Variants in ANK2 observed in about 807,000 individuals in gnomAD.
The protein encoded by ANK2 is ankyrin 2.
A neutral mutation model predicts 360.5 loss-of-function variants in ANK2; 83 were observed. That is an observed-to-expected ratio of 0.23 (90% CI 0.19 to 0.28). The LOEUF is 0.28. Ranked by LOEUF, ANK2 falls within the 10% of genes least tolerant of loss-of-function variation. ANK2 has a pLI of 1.00. For synonymous variants in ANK2, 1,740 were observed against 1,759.5 expected (o/e 0.99, Z 0.28); for missense variants, 4,201 against 4,795.7 (o/e 0.88, Z 3.66).
chr4:113,107,854 C>T (rs1211088613), intron 1 of ANK2, among the ~76,000 whole-genome samples: 2 of 151,994 alleles, frequency 1.3e-5, no homozygotes, highest in African/African-American at 4.8e-5. Flanking sequence ...AAGTAATGCA[C>T]CCAACATAGA....
intron 2 of ANK2, among the ~76,000 whole-genome samples, chr4:113,183,044 C>T (rs1216169419): frequency 6.6e-6 from 1 of 151,948 alleles, no homozygotes; most frequent in Non-Finnish European, 1.5e-5. Context: ...AGTGGAGGGA[C>T]TGGCTTTTGC....
intron 1 of ANK2, among the ~76,000 whole-genome samples, chr4:112,903,276 C>T (rs1375729595): frequency 6.6e-6 from 1 of 152,132 alleles, no homozygotes; most frequent in Non-Finnish European, 1.5e-5. Context: ...TGATTCTTGC[C>T]ATATTTTCCT....
At chr4:113,033,492 G>A (rs917255027) in intron 2 of ANK2, among the ~76,000 whole-genome samples, 17 of 151,808 alleles carry the variant, frequency 1.1e-4, no homozygotes, top group African/African-American at 2.9e-4. Context: ...AACAAAACTC[G>A]TCACACATCA....
At chr4:113,302,637 G>A (rs1444834115) in intron 22 of ANK2, 130 bp from the exon 23 acceptor site, 9 of 731,408 alleles carry the variant, frequency 1.2e-5, no homozygotes, top group South Asian at 4.5e-5. Context: ...AAATATACAC[G>A]CGGGAAAGAT....
At chr4:112,784,205 C>CT in the ANK2 span, among the ~76,000 whole-genome samples, 40 of 147,806 alleles carry the variant, frequency 2.7e-4, no homozygotes, top group East Asian at 1.2e-3. Context: ...AGTTAATATG[C>CT]TTTTTTTTTT....
intron 9 of ANK2, 62 bp from the exon 10 acceptor site, chr4:113,249,702 A>G: frequency 2.7e-6 from 4 of 1,494,160 alleles, no homozygotes; most frequent in Non-Finnish European, 2.8e-6. Flanking sequence ...TATGGTTGCA[A>G]TAGATGAAAT....
chr4:112,892,191 G>A (rs72669682), intron 1 of ANK2, among the ~76,000 whole-genome samples: 2,813 of 152,254 alleles, frequency 0.018, 45 homozygotes, highest in Non-Finnish European at 0.029. Flanking sequence ...CAGGGGGAAG[G>A]AAGGGATGGA....
the ANK2 span, among the ~76,000 whole-genome samples, chr4:112,787,387 G>C: frequency 6.6e-6 from 1 of 152,110 alleles, no homozygotes; most frequent in Non-Finnish European, 1.5e-5. Context: ...GTTACATCAG[G>C]CTTTTTTGTT....
chr4:113,290,640 A>G (rs1057322522), intron 20 of ANK2, among the ~76,000 whole-genome samples: 2 of 152,194 alleles, frequency 1.3e-5, no homozygotes, highest in East Asian at 3.8e-4. Flanking sequence ...TTAGAAAAAC[A>G]AACAAACAAA....
intron 4 of ANK2, among the ~76,000 whole-genome samples, chr4:113,209,502 C>T (rs2098995770): frequency 6.6e-6 from 1 of 151,894 alleles, no homozygotes; most frequent in Non-Finnish European, 1.5e-5. Flanking sequence ...GTTATCGAAC[C>T]AAACTGGGGC....
intron 24 of ANK2, among the ~76,000 whole-genome samples, chr4:113,315,186 T>A (rs1022777779): frequency 3.9e-4 from 60 of 152,218 alleles, no homozygotes; most frequent in African/African-American, 1.4e-3. Context: ...AGGTATCAAC[T>A]AAATGGATAT....
chr4:113,336,461 T>G (rs1301181124), intron 30 of ANK2, 116 bp from the exon 31 acceptor site: 1 of 1,064,406 alleles, frequency 9.4e-7, no homozygotes, highest in Admixed American at 2.6e-5. Context: ...CCCACCAAAC[T>G]TATTTGTAAG....
intron 14 of ANK2, among the ~76,000 whole-genome samples, chr4:113,270,392 C>T (rs1197356197): frequency 6.6e-6 from 1 of 152,182 alleles, no homozygotes. Context: ...AAAAGCACCA[C>T]TGGCAACAGA....
chr4:112,818,740 G>A (rs796594512), intron 1 of ANK2, among the ~76,000 whole-genome samples: 2 of 152,302 alleles, frequency 1.3e-5, no homozygotes, highest in African/African-American at 2.4e-5. Flanking sequence ...GAAAGCGGGG[G>A]TGAACCAGCA....
At chr4:113,238,386 T>C (rs2099400297) in intron 7 of ANK2, among the ~76,000 whole-genome samples, 1 of 152,160 alleles carries the variant, frequency 6.6e-6, no homozygotes, top group Non-Finnish European at 1.5e-5. Flanking sequence ...GCTGAGGGGA[T>C]TCTTTAGACT....
the ANK2 span, among the ~76,000 whole-genome samples, chr4:112,764,234 C>A: frequency 2.0e-5 from 3 of 152,234 alleles, no homozygotes; most frequent in African/African-American, 7.2e-5. Context: ...TGAGCCACTG[C>A]GCCCGGCCCC....
intron 9 of ANK2, 46 bp downstream of exon 9, chr4:113,242,255 C>T (rs1195328913): frequency 1.9e-6 from 3 of 1,557,810 alleles, no homozygotes; most frequent in African/African-American, 2.7e-5. Flanking sequence ...TTATTTCTTT[C>T]AAGCCTCATA....
intron 1 of ANK2, chr4:113,117,426 G>T: frequency 2.2e-6 from 1 of 456,144 alleles, no homozygotes; most frequent in South Asian, 1.5e-5. Context: ...AAGGTATGAG[G>T]AGCATCCTTT....
At chr4:112,827,942 C>G (rs1402152284) in intron 1 of ANK2, among the ~76,000 whole-genome samples, 2 of 152,142 alleles carry the variant, frequency 1.3e-5, no homozygotes, top group Non-Finnish European at 2.9e-5. Context: ...AAGCTGGAGG[C>G]ATTACACTGC....
Sources: allele counts gnomAD v4.1 joint callset (sites outside exome capture counted in the v4.1 genomes callset), GRCh38; gene constraint gnomAD v4.1.1; transcripts MANE v1.5; gene names NCBI Gene and HGNC (gene_info 2026-07-23, HGNC 2026-07-21).